The following ALKBH1 variants were observed in gnomAD, a reference collection of about 807,000 sequenced individuals.
ALKBH1 encodes the protein nucleic acid dioxygenase ALKBH1.
Under a neutral mutation model 36.6 loss-of-function variants are expected in ALKBH1, and 31 were observed. That is an observed-to-expected ratio of 0.85 (90% confidence interval 0.64 to 1.14). The LOEUF is 1.14. Among genes scored for constraint, ALKBH1 ranks in the 50% most tolerant of loss-of-function variants. The pLI is 0.00. For synonymous variants in ALKBH1, 183 were observed against 186.6 expected, an observed-to-expected ratio of 0.98 and a Z score of 0.16; for missense variants, 490 against 497.3, an observed-to-expected ratio of 0.99 and a Z score of 0.14.
intron 4 of ALKBH1, among the ~76,000 whole-genome samples, chr14:77,678,087 CAAAA>C (rs11440428): frequency 5.4e-5 from 3 of 55,098 alleles, no homozygotes; most frequent in East Asian, 6.5e-4. Flanking sequence ...ATATTATCAC[CAAAA>C]AAAAAAAAAA....
intron 1 of ALKBH1, among the ~76,000 whole-genome samples, chr14:77,705,499 C>T (rs10483885): frequency 0.53 from 80,821 of 151,360 alleles, 21,957 homozygotes; most frequent in African/African-American, 0.6. Flanking sequence ...GGAATCCTGT[C>T]TGCTAAAAGT....
chr14:77,699,010 T>G (rs1232361021), intron 2 of ALKBH1, among the ~76,000 whole-genome samples: 1 of 152,246 alleles, frequency 6.6e-6, no homozygotes, highest in African/African-American at 2.4e-5. Flanking sequence ...TGGCCTCAAC[T>G]GATCTGCCCG....
At position 77,694,864 on chromosome 14, in the gene ALKBH1, T is replaced by C. The variant is rs139082552; in HGVS notation, c.329A>G (p.Tyr110Cys). 1.8e-5 allele frequency: 28 copies of C among 1,579,450 alleles called. No individual in the cohort carries two copies. In the South Asian group the frequency reaches 2.9e-4, roughly 16 times the overall value. Residue 110 changes from tyrosine to cysteine, a missense_variant, in exon 3 of 6, where the codon TAC (tyrosine) becomes TGC (cysteine). Physicochemically the swap from Tyr to Cys is radical, Grantham distance 194. Transcript: ENST00000216489. ...IFIPNPFLPG[Y>C]QWHWVKQCLK... ...GCACTGTTTCACCCAGTGCCACTGG[T>C]AACCTGGGAGGAAGGGGTTTGGGAT...
At chr14:77,700,905 T>C (rs546690155) in intron 2 of ALKBH1, among the ~76,000 whole-genome samples, 73 of 151,954 alleles carry the variant, frequency 4.8e-4, no homozygotes, top group South Asian at 1.0e-3. Context: ...CTGAGCAACA[T>C]AGTGGGACCC....
At chr14:77,705,591 G>T (rs1027247799) in intron 1 of ALKBH1, among the ~76,000 whole-genome samples, 3 of 152,180 alleles carry the variant, frequency 2.0e-5, no homozygotes, top group Non-Finnish European at 4.4e-5. Flanking sequence ...TAATTACTTA[G>T]AAATGAATTT....
At chr14:77,692,148 G>A (rs903997481) in intron 3 of ALKBH1, among the ~76,000 whole-genome samples, 1 of 152,218 alleles carries the variant, frequency 6.6e-6, no homozygotes, top group African/African-American at 2.4e-5. Flanking sequence ...GGTTTTAACA[G>A]GCACTTTAAA....
chr14:77,691,801 G>A (rs1294569296), intron 3 of ALKBH1: 1 of 151,998 alleles, frequency 6.6e-6, no homozygotes, highest in African/African-American at 2.4e-5. Context: ...GATTTCTGCA[G>A]AGTCATATAT....
intron 2 of ALKBH1, among the ~76,000 whole-genome samples, chr14:77,701,984 CAG>C (rs1415596516): frequency 6.6e-6 from 1 of 152,106 alleles, no homozygotes; most frequent in African/African-American, 2.4e-5. Context: ...CCTAGAGCAA[CAG>C]AGAATCATGG....
intron 3 of ALKBH1, among the ~76,000 whole-genome samples, chr14:77,694,151 T>C (rs2080313953): frequency 6.6e-6 from 1 of 152,238 alleles, no homozygotes; most frequent in Admixed American, 6.5e-5. Context: ...AATGCATTCT[T>C]GCCAGAGACT....
At position 77,672,539 on chromosome 14, in the gene ALKBH1, A is replaced by G. The variant is rs1225305647; in HGVS notation, c.*1273T>C. On this transcript the variant is annotated 3_prime_UTR_variant, in exon 6 of 6. Transcript: ENST00000216489. The stretch of plus-strand genomic sequence containing the variant: ...ATGTAAACTTAATAACATGCATTGC[A>G]AACAGTAGGTACCAAATGGGCTTCC... 2 of 152,250 alleles carry G rather than the reference A, an allele frequency of 1.3e-5. No homozygotes were observed. Among genetic ancestry groups the G allele is most frequent in the Non-Finnish European group, 2.9e-5 (2 of 68,052 alleles). 9.4% of individuals were successfully genotyped at this position (152,250 alleles called of 1,614,324 possible).
intron 2 of ALKBH1, among the ~76,000 whole-genome samples, chr14:77,700,078 T>A (rs72685277): frequency 0.16 from 24,694 of 150,642 alleles, 2,305 homozygotes; most frequent in Non-Finnish European, 0.22. Flanking sequence ...TAAATAAAAA[T>A]AAATAAATAA....
chr14:77,686,069 A>G (rs2080266779), intron 3 of ALKBH1, among the ~76,000 whole-genome samples: 2 of 152,206 alleles, frequency 1.3e-5, no homozygotes, highest in South Asian at 4.1e-4. Context: ...AACTCTTAAT[A>G]TCTGCCTTCA....
At chr14:77,679,999 T>C (rs2080228130) in intron 3 of ALKBH1, 29 bp from the exon 4 acceptor site, 2 of 1,575,750 alleles carry the variant, frequency 1.3e-6, no homozygotes, top group African/African-American at 2.7e-5. Context: ...AAAGAGGAAT[T>C]ATTCATGTAA....
intron 2 of ALKBH1, chr14:77,697,403 G>A (rs1010467852): frequency 3.0e-5 from 5 of 166,710 alleles, no homozygotes; most frequent in Non-Finnish European, 5.2e-5. Context: ...GCACATGCTC[G>A]CAGTCCCTGG....
At chr14:77,694,402 G>A (rs779211140) in intron 3 of ALKBH1, among the ~76,000 whole-genome samples, 1 of 152,138 alleles carries the variant, frequency 6.6e-6, no homozygotes, top group Non-Finnish European at 1.5e-5. Context: ...CCTTTCCTAG[G>A]ATACCAAAAG....
chr14:77,694,720 C>T lies in ALKBH1; in HGVS notation c.455+18G>A, dbSNP rs773595345. On this transcript the variant is annotated intron_variant, in intron 3 of 5. Coordinates refer to ENST00000216489, the MANE Select transcript of ALKBH1 (RefSeq NM_006020.3). Reference sequence around the variant, plus strand: ...CTGAGCTGAGTATTAACACTTCATTCTGATTGACAAGACTTACCTCAGGAA... The same window carrying T: ...CTGAGCTGAGTATTAACACTTCATTTTGATTGACAAGACTTACCTCAGGAA... The T allele has an allele frequency of 6.4e-7, 1 of 1,564,944 alleles. No individual in the cohort carries two copies. Among genetic ancestry groups the T allele is most frequent in the Admixed American group, 1.9e-5 (1 of 52,164 alleles).
At chr14:77,679,497 C>T (rs1454811957) in intron 4 of ALKBH1, among the ~76,000 whole-genome samples, 1 of 152,020 alleles carries the variant, frequency 6.6e-6, no homozygotes, top group East Asian at 1.9e-4. Flanking sequence ...GTGGTGCGAT[C>T]TTGGCTCACT....
chr14:77,686,168 G>A (rs144318512), intron 3 of ALKBH1, among the ~76,000 whole-genome samples: 1 of 152,258 alleles, frequency 6.6e-6, no homozygotes, highest in East Asian at 1.9e-4. Context: ...GGCCTCCTGA[G>A]TAACAAAAAT....
intron 3 of ALKBH1, among the ~76,000 whole-genome samples, chr14:77,682,141 T>G (rs573550278): frequency 6.6e-5 from 10 of 152,326 alleles, no homozygotes; most frequent in Non-Finnish European, 1.3e-4. Context: ...GCTTGGCCAC[T>G]GACAGCAACT....
Sources: allele counts gnomAD v4.1 joint callset (sites outside exome capture counted in the v4.1 genomes callset), GRCh38; gene constraint gnomAD v4.1.1; transcripts MANE v1.5; gene names NCBI Gene and HGNC (gene_info 2026-07-23, HGNC 2026-07-21).